Variants in EPB41L1 observed in about 807,000 individuals in gnomAD.
The protein encoded by EPB41L1 is erythrocyte membrane protein band 4.1 like 1.
EPB41L1 carries 29 observed loss-of-function variants against 97.8 expected under a neutral mutation model. The observed-to-expected ratio is 0.30, with a 90% confidence interval of 0.22 to 0.40. EPB41L1 has a LOEUF of 0.40. Among genes scored for constraint, EPB41L1 ranks in the 10% least tolerant of loss-of-function variants. EPB41L1 has a pLI of 1.00. For missense variants in EPB41L1, 812 were observed against 1,162.3 expected (o/e 0.70, Z 4.38); for synonymous variants, 383 against 459.2 (o/e 0.83, Z 2.12).
At position 36,098,281 on chromosome 20, in the gene EPB41L1, T is replaced by C. The variant is rs576941440; in HGVS notation, c.-65+6669T>C. On this transcript the variant is annotated intron_variant, in intron 1 of 19. Coordinates refer to the EPB41L1 transcript ENST00000202028. ...GAATCTGAAAAACAGAGTTTGAGGGTCCTAGGTCTGCTACTCAAAGGATGC... is the reference window on the plus strand; with the variant it reads ...GAATCTGAAAAACAGAGTTTGAGGGCCCTAGGTCTGCTACTCAAAGGATGC... Among the ~76,000 whole-genome samples, 103 of 152,234 alleles carry C rather than the reference T, an allele frequency of 6.8e-4. 1 individual carries two copies. Among genetic ancestry groups the C allele is most frequent in the Non-Finnish European group, 1.0e-3 (70 of 67,998 alleles).
chr20:36,151,214 A>G (rs2060035280), upstream of EPB41L1: 2 of 152,196 alleles, frequency 1.3e-5, no homozygotes, highest in Admixed American at 1.3e-4. Context: ...TGTATCCTGG[A>G]CTTTTGCACC....
intron 3 of EPB41L1, among the ~76,000 whole-genome samples, chr20:36,177,089 T>C (rs1270697548): frequency 6.6e-6 from 1 of 152,180 alleles, no homozygotes; most frequent in Non-Finnish European, 1.5e-5. Context: ...GGCTAGGTCC[T>C]CTCTCTCTGA....
At chr20:36,222,142 T>C (rs955886667) in intron 20 of EPB41L1, 136 bp from the exon 21 acceptor site, 3 of 974,982 alleles carry the variant, frequency 3.1e-6, no homozygotes, top group Non-Finnish European at 5.0e-6. Flanking sequence ...CTCTAGTCTC[T>C]CCCTTTAGTT....
intron 1 of EPB41L1, among the ~76,000 whole-genome samples, chr20:36,101,865 C>G (rs890415079): frequency 6.6e-6 from 1 of 151,996 alleles, no homozygotes; most frequent in African/African-American, 2.4e-5. Flanking sequence ...ATTAGCTGGG[C>G]ATGGCTGCAT....
intron 4 of EPB41L1, 69 bp from the exon 5 acceptor site, chr20:36,178,561 T>G: frequency 6.7e-7 from 1 of 1,496,418 alleles, no homozygotes; most frequent in Non-Finnish European, 9.3e-7. Context: ...TTCAGGATAT[T>G]TCTCTCTCTC....
chr20:36,131,133 G>A (rs992647671), intron 2 of EPB41L1, among the ~76,000 whole-genome samples: 2 of 151,960 alleles, frequency 1.3e-5, no homozygotes, highest in South Asian at 2.1e-4. Context: ...GTGCCACCAC[G>A]CCCAGCTAAT....
Position 36,140,529 on chromosome 20 carries a change from G to A in EPB41L1, c.-10+28049G>A, listed in dbSNP as rs546608672. Among the ~76,000 whole-genome samples, 30 of 152,220 alleles carry A rather than the reference G, an allele frequency of 2.0e-4. No homozygotes were observed. The East Asian group carries it at 5.8e-3, about 29-fold the overall frequency. On this transcript the variant is annotated intron_variant, in intron 2 of 19. Coordinates refer to the EPB41L1 transcript ENST00000202028. ...TATGACTTCTCAAGGGTGGTTGTAAGCACTGAATAAAGTAGCTGTTTTGTT... is the reference window on the plus strand; with the variant it reads ...TATGACTTCTCAAGGGTGGTTGTAAACACTGAATAAAGTAGCTGTTTTGTT...
rs6142527 is a variant in EPB41L1 at position 36,169,043 on chromosome 20, T to C, written c.-14-4721T>C. Among the ~76,000 whole-genome samples the C allele has an allele frequency of 2.9e-3, 444 of 151,312 alleles. 7 individuals carry two copies. In the East Asian group the frequency reaches 0.051, roughly 17 times the overall value. On this transcript the variant is annotated intron_variant, in intron 1 of 21. Coordinates refer to ENST00000338074, the MANE Select transcript of EPB41L1 (RefSeq NM_012156.2). ...GAGTTCGAGACCAACCTGGCCAAGATGGTGAAACCCCGTCTGTACTAAAAA... is the reference window on the plus strand; with the variant it reads ...GAGTTCGAGACCAACCTGGCCAAGACGGTGAAACCCCGTCTGTACTAAAAA...
chr20:36,212,424 G>A lies in EPB41L1; in HGVS notation c.2184+48G>A, dbSNP rs749472958. The A allele has an allele frequency of 4.3e-5, 66 of 1,538,900 alleles. No individual in the cohort carries two copies. Among genetic ancestry groups the A allele is most frequent in the Non-Finnish European group, 5.6e-5 (62 of 1,113,386 alleles). Reference sequence around the variant, plus strand: ...CCCTAAGCATGGGTATTGGGCATTTGGTGGTAGGGTCCCCACTGCTGTGGC... The same window carrying A: ...CCCTAAGCATGGGTATTGGGCATTTAGTGGTAGGGTCCCCACTGCTGTGGC... On this transcript the variant is annotated intron_variant, in intron 16 of 21. Transcript: ENST00000338074. This position sits in a 1 kb window ranked among gnomAD's most constrained non-coding sequence, Gnocchi z 4.8.
At chr20:36,178,168 C>T (rs1025145358) in intron 4 of EPB41L1, 112 bp downstream of exon 4, 23 of 843,470 alleles carry the variant, frequency 2.7e-5, no homozygotes, top group African/African-American at 8.3e-5. Flanking sequence ...CTTCTGTTTG[C>T]GTGTCCCCAA....
chr20:36,194,300 G>A lies in EPB41L1; in HGVS notation c.1389G>A (p.Gly463=), dbSNP rs879085926. The change falls in exon 12 of 22, where the codon GGG becomes GGA. Residue 463 remains glycine, a synonymous_variant. Coordinates refer to ENST00000338074, the MANE Select transcript of EPB41L1 (RefSeq NM_012156.2). ...GGGATGAGGATGGCGAGTCTGGGGG[G>A]CAACGGTCAGAGGCTGAGGAGGGAG... ...DKRDEDGESG[G]QRSEAEEGEV... The A allele has an allele frequency of 6.2e-7, 1 of 1,614,166 alleles. No individual in the cohort carries two copies. The highest frequency in any genetic ancestry group is 8.5e-7 in the Non-Finnish European group (1 of 1,180,024).
At chr20:36,113,408 T>TTGTG (rs3057822) in intron 2 of EPB41L1, among the ~76,000 whole-genome samples, 2,298 of 143,490 alleles carry the variant, frequency 0.016, 27 homozygotes, top group Non-Finnish European at 0.022. Flanking sequence ...AACTTTCCAT[T>TTGTG]TGTGTGTGTG....
At chr20:36,178,884 C>A (rs2061361564) in intron 5 of EPB41L1, among the ~76,000 whole-genome samples, 1 of 151,764 alleles carries the variant, frequency 6.6e-6, no homozygotes, top group South Asian at 2.1e-4. Context: ...TGGGAAAAGC[C>A]TGTCCCTACT....
chr20:36,176,589 ATTTGT>A (rs2061240841), intron 3 of EPB41L1, among the ~76,000 whole-genome samples: 1 of 134,478 alleles, frequency 7.4e-6, no homozygotes, highest in Non-Finnish European at 1.7e-5. Flanking sequence ...CAGGGTTTTG[ATTTGT>A]TTTGTTTTTA....
chr20:36,178,112 C>T (rs1429825184), intron 4 of EPB41L1, 56 bp downstream of exon 4: 1 of 1,296,778 alleles, frequency 7.7e-7, no homozygotes, highest in Admixed American at 1.7e-5. Flanking sequence ...TCCTGTAATC[C>T]TGGCCACCCC....
rs181608186 is a variant in EPB41L1, at chr20:36,160,229, A to G, written c.-15+5333A>G. On this transcript the variant is annotated intron_variant, in intron 1 of 21. Transcript: ENST00000338074. Reference sequence around the variant, plus strand: ...AAAACAGAAAAACAAATATTTCTTTACTGTTATATTTACTTTTCTTTAGTT... The same window carrying G: ...AAAACAGAAAAACAAATATTTCTTTGCTGTTATATTTACTTTTCTTTAGTT... Among the ~76,000 whole-genome samples the G allele has an allele frequency of 1.9e-3, 288 of 152,334 alleles. 1 individual carries two copies. The highest frequency in any genetic ancestry group is 3.1e-3 in the Non-Finnish European group (212 of 68,020).
intron 2 of EPB41L1, among the ~76,000 whole-genome samples, chr20:36,136,265 A>G (rs1465434653): frequency 1.3e-5 from 2 of 151,642 alleles, no homozygotes; most frequent in African/African-American, 2.4e-5. Flanking sequence ...CTGCCTCCCA[A>G]GCTCAAGCGA....
chr20:36,103,510 C>T (rs1049477988), intron 1 of EPB41L1, among the ~76,000 whole-genome samples: 1 of 152,144 alleles, frequency 6.6e-6, no homozygotes, highest in African/African-American at 2.4e-5. Flanking sequence ...AGATCACTTC[C>T]TCTCTCCGAG....
In EPB41L1 at chr20:36,195,216, G is replaced by A; in HGVS notation, c.1450-113G>A. On this transcript the variant is annotated intron_variant, in intron 12 of 21. Coordinates refer to ENST00000338074, the MANE Select transcript of EPB41L1 (RefSeq NM_012156.2). This position sits in a 1 kb window ranked among gnomAD's most constrained non-coding sequence, Gnocchi z 4.6. ...CACCCAGCTGCCCTGGCCTCCACTT[G>A]GTCGAGTGTGCGTGCTCTGGGCTCC... 1 of 1,311,200 alleles carries A rather than the reference G, an allele frequency of 7.6e-7. No individual in the cohort carries two copies. Among genetic ancestry groups the A allele is most frequent in the Non-Finnish European group, 1.1e-6 (1 of 916,940 alleles). 81.2% of individuals were successfully genotyped at this position (1,311,200 alleles called of 1,614,324 possible).
Sources: gnomAD v4.1 joint callset for allele counts (sites outside exome capture counted in the v4.1 genomes callset) on GRCh38, gnomAD v4.1.1 for gene constraint, Gnocchi (gnomAD v3.1) non-coding constraint, MANE v1.5 for transcripts, NCBI Gene and HGNC (gene_info 2026-07-23, HGNC 2026-07-21) for gene names.